The following ADCY7 variants were observed in gnomAD, a reference collection of about 807,000 sequenced individuals.
The protein encoded by ADCY7 is adenylate cyclase type 7.
Under a neutral mutation model 120.6 loss-of-function variants are expected in ADCY7, and 72 were observed. The ratio of observed to expected loss-of-function variants is 0.60; its 90% CI spans 0.49 to 0.73. The LOEUF (loss-of-function observed/expected upper bound fraction) is 0.73. ADCY7 is among the 30% of genes least tolerant of loss of function. The pLI, the probability that ADCY7 is intolerant of heterozygous loss-of-function variation, is 0.00. For synonymous variants in ADCY7, 661 were observed against 628.0 expected, an observed-to-expected ratio of 1.05 and a Z score of -0.78; for missense variants, 1,227 against 1,486.0, an observed-to-expected ratio of 0.83 and a Z score of 2.87.
At position 50,256,440 on chromosome 16, in the gene ADCY7, C is replaced by T. The variant is rs78644709; in HGVS notation, c.-64+10237C>T. Among the ~76,000 whole-genome samples the T allele has an allele frequency of 5.7e-3, 870 of 152,238 alleles. 7 individuals are homozygous for T. The highest frequency in any genetic ancestry group is 0.02 in the African/African-American group (819 of 41,534). Reference sequence around the variant, plus strand: ...AAGAGAAGCCAGGCGTGGTGGCTCACGCCTGTAATTCCAGCACTTTGGGAG... The same window carrying T: ...AAGAGAAGCCAGGCGTGGTGGCTCATGCCTGTAATTCCAGCACTTTGGGAG... On this transcript the variant is annotated intron_variant, in intron 1 of 4. Coordinates refer to the ADCY7 transcript ENST00000564044.
chr16:50,261,925 G>A (rs56845659), upstream of ADCY7, among the ~76,000 whole-genome samples: 1,103 of 152,318 alleles, frequency 7.2e-3, 9 homozygotes, highest in African/African-American at 0.025. Flanking sequence ...TGGCATGGAC[G>A]GTGGTTTTTG....
intron 2 of ADCY7, 92 bp downstream of exon 2, chr16:50,288,442 T>G (rs373705792): frequency 7.8e-7 from 1 of 1,277,612 alleles, no homozygotes; most frequent in East Asian, 2.7e-5. Context: ...AATGCTTATC[T>G]TCTGTAAAAT....
intron 1 of ADCY7, among the ~76,000 whole-genome samples, chr16:50,259,419 G>C (rs75142089): frequency 6.6e-6 from 1 of 152,226 alleles, no homozygotes; most frequent in Non-Finnish European, 1.5e-5. Context: ...CAGCTGCCAA[G>C]TTTTTCAAAG....
At chr16:50,275,883 C>T (rs1358495462) in intron 1 of ADCY7, among the ~76,000 whole-genome samples, 2 of 152,312 alleles carry the variant, frequency 1.3e-5, no homozygotes, top group East Asian at 3.9e-4. Flanking sequence ...GGAGCGAGAG[C>T]ACCCCCGCCC....
chr16:50,295,864 G>T (rs1456567742), intron 7 of ADCY7, among the ~76,000 whole-genome samples: 1 of 152,188 alleles, frequency 6.6e-6, no homozygotes, highest in Admixed American at 6.5e-5. Context: ...GAAGTGTGGG[G>T]GCCAGGAAGC....
chr16:50,292,733 C>T lies in ADCY7; in HGVS notation c.595C>T (p.His199Tyr). 6.2e-7 allele frequency: 1 copy of T among 1,614,072 alleles called. No homozygotes were observed. Among genetic ancestry groups the T allele is most frequent in the East Asian group, 2.2e-5 (1 of 44,890 alleles). ...CGNLTGAFHK[H>Y]QMQDASRDLF... The stretch of plus-strand genomic sequence containing the variant: ...GAACCTGACAGGCGCCTTCCACAAG[C>T]ACCAAATGCAGGATGCATCCCGGGA... Residue 199 changes from histidine (H) to tyrosine (Y), a missense_variant, in exon 5 of 26, where the codon CAC becomes TAC. His to Tyr is a moderately conservative substitution (Grantham distance 83). This residue lies in a region of ADCY7 where 382 missense variants were observed against 411.4 expected (regional missense o/e 0.93). Coordinates refer to ENST00000673801, the MANE Select transcript of ADCY7 (RefSeq NM_001114.5).
chr16:50,301,076 C>T lies in ADCY7; in HGVS notation c.1236-6C>T, dbSNP rs1396737686. ...CAAGGCTCTGCCTGACTTGGGTCTC[C>T]CGTAGCCGGGTGCACATCACGGAGG... On this transcript the variant is annotated splice_polypyrimidine_tract_variant and splice_region_variant and intron_variant, in intron 9 of 25. Transcript: ENST00000673801. 2 of 1,612,718 alleles carry T rather than the reference C, an allele frequency of 1.2e-6. No homozygotes were observed. Among genetic ancestry groups the T allele is most frequent in the Non-Finnish European group, 1.7e-6 (2 of 1,179,488 alleles).
At chr16:50,307,261 T>C in intron 15 of ADCY7, 114 bp downstream of exon 15, 1 of 911,160 alleles carries the variant, frequency 1.1e-6, no homozygotes, top group Non-Finnish European at 1.7e-6. Context: ...GCTGCTGGGG[T>C]CCTAGCAACT....
In ADCY7 at chr16:50,308,561, G is replaced by A. The variant is rs368489250; in HGVS notation, c.1936-106G>A. On this transcript the variant is annotated intron_variant, in intron 16 of 25. Coordinates refer to ENST00000673801, the MANE Select transcript of ADCY7 (RefSeq NM_001114.5). ...TCCTGCCTCGGGGACAATTTCCTGA[G>A]TGCCCTGGAGGCTTCTCCCGAGGAT... 28 of 1,547,014 alleles carry A rather than the reference G, an allele frequency of 1.8e-5. No homozygotes were observed. In the South Asian group the frequency reaches 2.2e-4, roughly 12 times the overall value.
chr16:50,299,062 C>T (rs2035543400), intron 8 of ADCY7, 31 bp downstream of exon 8: 2 of 1,585,568 alleles, frequency 1.3e-6, no homozygotes, highest in South Asian at 2.2e-5. Context: ...GGCCCTGGGT[C>T]CTGCCCTGTG....
chr16:50,312,228 C>A, intron 21 of ADCY7, 37 bp downstream of exon 21: 2 of 1,610,470 alleles, frequency 1.2e-6, no homozygotes, highest in South Asian at 1.1e-5. Context: ...GGCAGGGAGG[C>A]GGACGGTCCA....
intron 10 of ADCY7, among the ~76,000 whole-genome samples, chr16:50,302,730 C>G (rs941622145): frequency 2.6e-5 from 4 of 152,102 alleles, no homozygotes; most frequent in Non-Finnish European, 4.4e-5. Flanking sequence ...GGGATTTTCA[C>G]GGACACCGAG....
chr16:50,271,157 TGG>T (rs1567535847), intron 1 of ADCY7, among the ~76,000 whole-genome samples: 8 of 152,192 alleles, frequency 5.3e-5, no homozygotes, highest in Non-Finnish European at 7.4e-5. Flanking sequence ...AAGGGTTGGG[TGG>T]TGAGTCTGGG....
intron 1 of ADCY7, among the ~76,000 whole-genome samples, chr16:50,250,099 A>C (rs1337777453): frequency 6.6e-6 from 1 of 152,176 alleles, no homozygotes; most frequent in African/African-American, 2.4e-5. Context: ...GGACAGTAAG[A>C]GTGCTTATCT....
chr16:50,308,245 G>A (rs1212538449), intron 15 of ADCY7, 82 bp from the exon 16 acceptor site: 6 of 1,599,748 alleles, frequency 3.8e-6, no homozygotes, highest in Non-Finnish European at 5.1e-6. Context: ...GGGACAGGTG[G>A]CTGTGAGCCA....
intron 1 of ADCY7, among the ~76,000 whole-genome samples, chr16:50,285,570 C>A (rs935578692): frequency 6.6e-6 from 1 of 152,186 alleles, no homozygotes; most frequent in African/African-American, 2.4e-5. Context: ...CTTCTGCTGG[C>A]GGCTGGCCAT....
At chr16:50,246,269 G>T (rs1486506589) in intron 1 of ADCY7, 1 of 150,840 alleles carries the variant, frequency 6.6e-6, no homozygotes, top group Non-Finnish European at 1.5e-5. Context: ...GGGGGTGCCC[G>T]TGGCCGCTGC....
At chr16:50,245,960 GGGGT>G (rs2032568012), upstream of ADCY7, among the ~76,000 whole-genome samples, 1 of 144,040 alleles carries the variant, frequency 6.9e-6, no homozygotes, top group Non-Finnish European at 1.5e-5. Flanking sequence ...GAGCTGGGGT[GGGGT>G]GGGGTGGGGT....
intron 1 of ADCY7, among the ~76,000 whole-genome samples, chr16:50,252,530 C>T (rs988830697): frequency 3.3e-5 from 5 of 151,446 alleles, no homozygotes; most frequent in Non-Finnish European, 1.5e-5. Context: ...TGTGTGCCTT[C>T]GTAGCTGTGC....
Sources: gnomAD v4.1 joint callset for allele counts (sites outside exome capture counted in the v4.1 genomes callset) on GRCh38, gnomAD v4.1.1 for gene constraint, gnomAD v4.1.1 regional missense constraint, MANE v1.5 for transcripts, NCBI Gene and HGNC (gene_info 2026-07-23, HGNC 2026-07-21) for gene names.